Variants in CAMK1 observed in about 807,000 individuals in gnomAD.
CAMK1 encodes the protein calcium/calmodulin dependent protein kinase I.
A neutral mutation model predicts 49.1 loss-of-function variants in CAMK1; 39 were observed. The observed-to-expected ratio is 0.79, with a 90% CI of 0.62 to 1.04. CAMK1 has a LOEUF of 1.04. Ranked by LOEUF, CAMK1 falls within the 50% of genes least tolerant of loss-of-function variation. CAMK1 has a pLI of 0.00. For synonymous variants in CAMK1, 192 were observed against 185.2 expected (o/e 1.04, Z -0.30); for missense variants, 457 against 472.2 (o/e 0.97, Z 0.30).
rs939127948 is a variant in CAMK1, at chr3:9,759,440, G to A, written c.912+48C>T. The A allele has an allele frequency of 4.3e-6, 7 of 1,612,938 alleles. No homozygotes were observed. The Admixed American group carries it at 1.0e-4, about 23-fold the overall frequency. On this transcript the variant is annotated intron_variant, in intron 10 of 11. Coordinates refer to ENST00000256460, the MANE Select transcript of CAMK1 (RefSeq NM_003656.5). Reference sequence around the variant, plus strand: ...GCAAGCTGAGCCTGGGTAGGGATGGGGAGGAGTCCTGGGGAGGCTGGGACC... The same window carrying A: ...GCAAGCTGAGCCTGGGTAGGGATGGAGAGGAGTCCTGGGGAGGCTGGGACC...
At position 9,765,858 on chromosome 3, in the gene CAMK1, T is replaced by C. The variant is rs775439790; in HGVS notation, c.116A>G (p.Asp39Gly). 5 of 1,613,902 alleles carry C rather than the reference T, an allele frequency of 3.1e-6. No homozygotes were observed. Among genetic ancestry groups the C allele is most frequent in the Non-Finnish European group, 4.2e-6 (5 of 1,179,988 alleles). ...GGCCACCAGCTTCTGCGTCCTCTTATCTTCTGCCAGGATCACCTCCGAGAA... is the reference window on the plus strand; with the variant it reads ...GGCCACCAGCTTCTGCGTCCTCTTACCTTCTGCCAGGATCACCTCCGAGAA... ...GAFSEVILAE[D>G]KRTQKLVAIK... is the part of the protein sequence containing the mutation. The change falls in exon 3 of 12, where the codon GAT (aspartate) becomes GGT (glycine). Residue 39 changes from aspartate to glycine, a missense_variant. Asp to Gly is a moderately conservative substitution (Grantham distance 94). Transcript: ENST00000256460.
intron 8 of CAMK1, chr3:9,760,038 C>G (rs2077776642): frequency 3.2e-6 from 1 of 314,672 alleles, no homozygotes; most frequent in Non-Finnish European, 6.1e-6. Context: ...GTCAGGAGTT[C>G]AAGACCAGCC....
intron 10 of CAMK1, chr3:9,759,025 G>A (rs2077720116): frequency 1.4e-6 from 1 of 692,204 alleles, no homozygotes; most frequent in Admixed American, 2.0e-5. Context: ...TGTGGCATAT[G>A]AGGCCCTAAG....
At chr3:9,764,270 T>G (rs2078032087) in intron 3 of CAMK1, among the ~76,000 whole-genome samples, 1 of 152,202 alleles carries the variant, frequency 6.6e-6, no homozygotes, top group Non-Finnish European at 1.5e-5. Context: ...TAAATACTCA[T>G]AAGTGAAACA....
At chr3:9,769,185 C>G (rs2078238253) in intron 1 of CAMK1, among the ~76,000 whole-genome samples, 1 of 151,888 alleles carries the variant, frequency 6.6e-6, no homozygotes, top group African/African-American at 2.4e-5. Context: ...ATCCCTCACC[C>G]AGCTCCCTCT....
In CAMK1 at chr3:9,767,734, C is replaced by G. The variant is rs201983776; in HGVS notation, c.16G>C (p.Glu6Gln). 159 of 1,614,022 alleles carry G rather than the reference C, an allele frequency of 9.9e-5. No homozygotes were observed. The highest frequency in any genetic ancestry group is 1.0e-4 in the Admixed American group (6 of 60,008). MLGAV[E>Q]GPRWKQAEDI... ...TCCGCCTGCTTCCACCTGGGGCCTTCCACTGCCCCCAGCATGGCCCACTGC... is the reference window on the plus strand; with the variant it reads ...TCCGCCTGCTTCCACCTGGGGCCTTGCACTGCCCCCAGCATGGCCCACTGC... The change falls in exon 2 of 12, where the codon GAA becomes CAA. Residue 6 changes from glutamate (E) to glutamine (Q), a missense_variant. Coordinates refer to ENST00000256460, the MANE Select transcript of CAMK1 (RefSeq NM_003656.5).
In CAMK1 at chr3:9,763,228, G is replaced by T. The variant is rs780729700; in HGVS notation, c.216-15C>A. On this transcript the variant is annotated splice_polypyrimidine_tract_variant and intron_variant, in intron 3 of 11. Coordinates refer to ENST00000256460, the MANE Select transcript of CAMK1 (RefSeq NM_003656.5). The stretch of plus-strand genomic sequence containing the variant: ...GGTGCTTGATCCTGAAAGGAGAAAT[G>T]AGGTGGTTTAGCCAGGCATGGCGGT... 17 of 1,613,580 alleles carry T rather than the reference G, an allele frequency of 1.1e-5. No homozygotes were observed. Among genetic ancestry groups the T allele is most frequent in the Non-Finnish European group, 1.4e-5 (16 of 1,179,996 alleles).
chr3:9,767,786 A>G lies in CAMK1; in HGVS notation c.-32-5T>C. The G allele has an allele frequency of 1.9e-6, 3 of 1,612,568 alleles. No individual in the cohort carries two copies. Among genetic ancestry groups the G allele is most frequent in the Non-Finnish European group, 8.5e-7 (1 of 1,179,542 alleles). ...CCCCGACCACAGCCAGGGCTCCTGT[A>G]AGGAGAATGGAAGGAGGAGACTCAG... is the stretch of plus-strand genomic sequence containing the variant. On this transcript the variant is annotated splice_region_variant and splice_polypyrimidine_tract_variant and intron_variant, in intron 1 of 11. Transcript: ENST00000256460.
Position 9,759,560 on chromosome 3 carries a change from T to C in CAMK1, c.840A>G (p.Thr280=). 6.2e-7 allele frequency: 1 copy of C among 1,614,168 alleles called. No homozygotes were observed. The highest frequency in any genetic ancestry group is 8.5e-7 in the Non-Finnish European group (1 of 1,180,024). The change falls in exon 10 of 12, where the codon ACA becomes ACG. Residue 280 remains threonine, a synonymous_variant. Transcript: ENST00000256460. ...ACTGGTGGATATTCTTATCTAGAGC[T>C]GTATCTCCTGCAATCCTAGGATGGG... The part of the protein sequence containing the change: ...ALQHPWIAGD[T]ALDKNIHQSV...
rs1442415037 is a variant in CAMK1 at position 9,765,841 on chromosome 3, G to A, written c.133C>T (p.Leu45=). ...ILAEDKRTQK[L]VAIKCIAKEA... ...TTGGCAATGCATTTGATGGCCACCA[G>A]CTTCTGCGTCCTCTTATCTTCTGCC... Residue 45 remains leucine, a synonymous_variant, in exon 3 of 12, where the codon CTG becomes TTG. Coordinates refer to ENST00000256460, the MANE Select transcript of CAMK1 (RefSeq NM_003656.5). 2 of 1,614,000 alleles carry A rather than the reference G, an allele frequency of 1.2e-6. No homozygotes were observed. Among genetic ancestry groups the A allele is most frequent in the Non-Finnish European group, 1.7e-6 (2 of 1,179,980 alleles).
intron 5 of CAMK1, chr3:9,762,165 G>A: frequency 6.0e-6 from 1 of 166,194 alleles, no homozygotes; most frequent in African/African-American, 2.4e-5. Flanking sequence ...CAGTTAGGCA[G>A]TAGCAGAGCC....
Position 9,757,798 on chromosome 3 carries a change from G to C in CAMK1, c.961C>G (p.Leu321Val), listed in dbSNP as rs1462888983. The change falls in exon 11 of 12, where the codon CTG (leucine) becomes GTG (valine). Residue 321 changes from leucine (L) to valine (V), a missense_variant. Leu to Val is a conservative substitution (Grantham distance 32, BLOSUM62 1). Coordinates refer to ENST00000256460, the MANE Select transcript of CAMK1 (RefSeq NM_003656.5). This position sits in a 1 kb window ranked among gnomAD's most constrained non-coding sequence, Gnocchi z 4.5. ...AVVRHMRKLQ[L>V]GTSQEGQGQT... ...CCCTGCCCCTCCTGGCTGGTGCCCA[G>C]CTGCAGTTTCCTCATGTGCCGCACC... 2 of 1,613,772 alleles carry C rather than the reference G, an allele frequency of 1.2e-6. No homozygotes were observed. The highest frequency in any genetic ancestry group is 1.7e-6 in the Non-Finnish European group (2 of 1,179,718).
At chr3:9,758,058 T>G (rs1201797204) in intron 10 of CAMK1, 4 of 620,780 alleles carry the variant, frequency 6.4e-6, no homozygotes, top group Non-Finnish European at 1.0e-5. Flanking sequence ...TATGTGTATC[T>G]ATATATATAA....
chr3:9,761,858 A>G, intron 5 of CAMK1, 101 bp from the exon 6 acceptor site: 18 of 1,505,570 alleles, frequency 1.2e-5, no homozygotes, highest in Non-Finnish European at 1.6e-5. Context: ...ATGGATCCCC[A>G]AAAGCCACTG....
chr3:9,765,887 C>G lies in CAMK1; in HGVS notation c.87G>C (p.Gly29=). The change falls in exon 3 of 12, where the codon GGG becomes GGC. Residue 29 remains glycine, a synonymous_variant. Coordinates refer to ENST00000256460, the MANE Select transcript of CAMK1 (RefSeq NM_003656.5). ...IYDFRDVLGT[G]AFSEVILAED... Reference sequence around the variant, plus strand: ...CTGCCAGGATCACCTCCGAGAAGGCCCCCCTATCGGGAGAGGGGATTCACA... The same window carrying G: ...CTGCCAGGATCACCTCCGAGAAGGCGCCCCTATCGGGAGAGGGGATTCACA... 2 of 1,614,148 alleles carry G rather than the reference C, an allele frequency of 1.2e-6. No individual in the cohort carries two copies. Among genetic ancestry groups the G allele is most frequent in the Non-Finnish European group, 1.7e-6 (2 of 1,180,032 alleles).
At chr3:9,765,954 C>A in intron 2 of CAMK1, 64 bp from the exon 3 acceptor site, 1 of 1,614,196 alleles carries the variant, frequency 6.2e-7, no homozygotes, top group African/African-American at 1.3e-5. Context: ...AGCCTCTCCT[C>A]CATTCCCTAT....
chr3:9,765,697 AG>A (rs1370309158), intron 3 of CAMK1, 61 bp downstream of exon 3: 8 of 1,569,934 alleles, frequency 5.1e-6, no homozygotes, highest in Non-Finnish European at 7.0e-6. Flanking sequence ...GCAGGAAAGG[AG>A]GAGGATGGGA....
At position 9,757,768 on chromosome 3, in the gene CAMK1, T is replaced by TCTGCCC; in HGVS notation, c.985_990dup (p.Gly329_Gln330dup). On this transcript the variant is annotated inframe_insertion, in exon 11 of 12. Transcript: ENST00000256460. The surrounding 1 kb of genome is among the most constrained non-coding windows in gnomAD (Gnocchi z 4.5). ...GTCAGCAGCTCCCCATGGCTCGCCG[T>TCTGCCC]CTGCCCCTGCCCCTCCTGGCTGGTG... is the stretch of plus-strand genomic sequence containing the variant. The TCTGCCC allele has an allele frequency of 6.2e-7, 1 of 1,614,098 alleles. No homozygotes were observed. The highest frequency in any genetic ancestry group is 8.5e-7 in the Non-Finnish European group (1 of 1,179,976).
At chr3:9,761,003 T>C in intron 7 of CAMK1, 1 of 517,490 alleles carries the variant, frequency 1.9e-6, no homozygotes. Flanking sequence ...CTTCTGCCTA[T>C]GCCACTCTTT....
Sources: gnomAD v4.1 joint callset for allele counts (sites outside exome capture counted in the v4.1 genomes callset) on GRCh38, gnomAD v4.1.1 for gene constraint, Gnocchi (gnomAD v3.1) non-coding constraint, MANE v1.5 for transcripts, NCBI Gene and HGNC (gene_info 2026-07-23, HGNC 2026-07-21) for gene names.